The following DNAH3 variants were observed in gnomAD, a reference collection of about 807,000 sequenced individuals.
The protein encoded by DNAH3 is dynein axonemal heavy chain 3, also known as axonemal beta dynein heavy chain 3.
In DNAH3, 332 loss-of-function variants were observed where a neutral mutation model predicts 432.5. The observed-to-expected ratio is 0.77, with a 90% CI of 0.70 to 0.84. The LOEUF is 0.84. Among genes scored for constraint, DNAH3 ranks in the 40% least tolerant of loss-of-function variants. DNAH3 has a pLI of 0.00. For missense variants in DNAH3, 4,861 were observed against 5,114.0 expected, an observed-to-expected ratio of 0.95 and a Z score of 1.51; for synonymous variants, 1,956 against 1,900.2, an observed-to-expected ratio of 1.03 and a Z score of -0.76.
At position 21,141,292 on chromosome 16, in the gene DNAH3, T is replaced by C. The variant is rs989415178; in HGVS notation, c.521+8A>G. ...CTGCCTTCTCTGGTGCCCACAGTGATATCTTACCTAGTGGAATCCTCTTTG... is the reference window on the plus strand; with the variant it reads ...CTGCCTTCTCTGGTGCCCACAGTGACATCTTACCTAGTGGAATCCTCTTTG... On this transcript the variant is annotated splice_region_variant and intron_variant, in intron 4 of 61. Transcript: ENST00000261383. The C allele has an allele frequency of 2.9e-5, 45 of 1,577,748 alleles. No homozygotes were observed. The highest frequency in any genetic ancestry group is 2.3e-4 in the Admixed American group (13 of 55,886).
In DNAH3 at chr16:20,964,853, C is replaced by G. The variant is rs746811682; in HGVS notation, c.9031G>C (p.Ala3011Pro). 2.4e-5 allele frequency: 38 copies of G among 1,614,138 alleles called. No homozygotes were observed. The South Asian group carries it at 3.8e-4, about 16-fold the overall frequency. The change falls in exon 53 of 62, where the codon GCT becomes CCT. Residue 3011 changes from alanine to proline, a missense_variant. Physicochemically the swap from Ala to Pro is conservative, Grantham distance 27. Transcript: ENST00000261383. ...TGGACCCGATAATCCACTGTAAAAG[C>G]GCCCAGGTAAGCCACAGTTCCTGAG...
chr16:21,059,109 T>TGGG (rs2090249005), intron 26 of DNAH3, among the ~76,000 whole-genome samples: 1 of 152,232 alleles, frequency 6.6e-6, no homozygotes, highest in South Asian at 2.1e-4. Context: ...CAGTACCCAT[T>TGGG]TACTATACAT....
At chr16:20,951,214 C>T (rs770248623) in intron 56 of DNAH3, among the ~76,000 whole-genome samples, 1 of 152,098 alleles carries the variant, frequency 6.6e-6, no homozygotes, top group East Asian at 1.9e-4. Flanking sequence ...TACAAAACAG[C>T]TAGTGCCATT....
intron 36 of DNAH3, among the ~76,000 whole-genome samples, chr16:21,031,661 T>C (rs1481577131): frequency 6.6e-6 from 1 of 152,062 alleles, no homozygotes; most frequent in Non-Finnish European, 1.5e-5. Flanking sequence ...ATTATTGGGT[T>C]ATTATAGCCT....
At chr16:21,061,303 T>C (rs2090352067) in intron 25 of DNAH3, among the ~76,000 whole-genome samples, 1 of 143,422 alleles carries the variant, frequency 7.0e-6, no homozygotes, top group South Asian at 2.3e-4. Context: ...TGGTGTGATC[T>C]CGGCTCATTG....
chr16:20,951,217 G>A (rs908867215), intron 56 of DNAH3, among the ~76,000 whole-genome samples: 1 of 151,962 alleles, frequency 6.6e-6, no homozygotes, highest in African/African-American at 2.4e-5. Flanking sequence ...AAAACAGCTA[G>A]TGCCATTTCT....
At chr16:21,081,710 G>A (rs777703183) in exon 20 of DNAH3, 1 of 1,613,630 alleles carries the variant, frequency 6.2e-7, no homozygotes, top group African/African-American at 1.3e-5. Context: ...TTATCTCATA[G>A]CCAACAATCT....
chr16:21,104,512 G>A (rs1483697107), exon 16 of DNAH3: 9 of 1,613,910 alleles, frequency 5.6e-6, no homozygotes, highest in African/African-American at 1.3e-5. Context: ...TCTTGTGAAG[G>A]AGCAAGTTCC....
rs704554 is a variant in DNAH3, at chr16:21,070,847, C to A, written c.3085-21G>T. On this transcript the variant is annotated intron_variant, in intron 21 of 61. Coordinates refer to ENST00000261383, the Ensembl canonical transcript of DNAH3. The stretch of plus-strand genomic sequence containing the variant: ...GTATCCTGTAAATAAAGATGCCCCA[C>A]CCTGTCAAGATTGTGAAACCTCCCC... The A allele has an allele frequency of 5.6e-6, 8 of 1,418,696 alleles. No homozygotes were observed. The African/African-American group carries it at 8.5e-5, about 15-fold the overall frequency. 87.9% of individuals were successfully genotyped at this position (1,418,696 alleles called of 1,614,324 possible).
At chr16:21,007,077 T>C (rs75299271) in intron 41 of DNAH3, among the ~76,000 whole-genome samples, 1,960 of 152,322 alleles carry the variant, frequency 0.013, 43 homozygotes, top group African/African-American at 0.045. Context: ...CCAATACTTG[T>C]TGTTTTTCAT....
At position 21,058,008 on chromosome 16, in the gene DNAH3, G is replaced by C. The variant is rs2090195030; in HGVS notation, c.3924+78C>G. 5 of 895,260 alleles carry C rather than the reference G, an allele frequency of 5.6e-6. No homozygotes were observed. The South Asian group carries it at 6.8e-5, about 12-fold the overall frequency. 55.5% of individuals were successfully genotyped at this position (895,260 alleles called of 1,614,324 possible). A position where few individuals can be genotyped will look rare whatever the true frequency, so the allele number is the denominator to read the frequency against. ...GATTTTTGTTTAGACAACAAAACAT[G>C]GCTACTCTAATTATACGTCATTCAA... On this transcript the variant is annotated intron_variant, in intron 27 of 61. Coordinates refer to ENST00000261383, the Ensembl canonical transcript of DNAH3.
At chr16:21,027,351 A>C (rs2088622652) in intron 37 of DNAH3, among the ~76,000 whole-genome samples, 1 of 152,244 alleles carries the variant, frequency 6.6e-6, no homozygotes. Flanking sequence ...GATGACAGAC[A>C]ATAAGCAAAA....
Position 21,136,547 on chromosome 16 carries a change from C to A in DNAH3, c.697-34G>T. On this transcript the variant is annotated intron_variant, in intron 5 of 61. Transcript: ENST00000261383. ...AACAAACCACCAGCGAGAAAATGGTCATGATTGGATCATGGGTTCAACTGT... is the reference window on the plus strand; with the variant it reads ...AACAAACCACCAGCGAGAAAATGGTAATGATTGGATCATGGGTTCAACTGT... The A allele has an allele frequency of 1.9e-6, 3 of 1,603,052 alleles. No individual in the cohort carries two copies. In the South Asian group the frequency reaches 3.3e-5, roughly 18 times the overall value.
At chr16:21,110,233 C>T (rs2092039348) in intron 14 of DNAH3, among the ~76,000 whole-genome samples, 1 of 152,208 alleles carries the variant, frequency 6.6e-6, no homozygotes, top group Non-Finnish European at 1.5e-5. Context: ...GACCCCCACC[C>T]CTTTCAGCTC....
rs555983378 is a variant in DNAH3 at position 20,966,014 on chromosome 16, ATTTTTTTTTT to A, written c.8459-599_8459-590del. Among the ~76,000 whole-genome samples, 28 of 48,374 alleles carry A rather than the reference ATTTTTTTTTT, an allele frequency of 5.8e-4. 1 individual carries two copies. Among genetic ancestry groups the A allele is most frequent in the East Asian group, 5.0e-3 (11 of 2,186 alleles). 31.7% of individuals were successfully genotyped at this position (48,374 alleles called of 152,430 possible). A position where few individuals can be genotyped will look rare whatever the true frequency, so the allele number is the denominator to read the frequency against. ...AGGCCTGAGCCACCATGCCCAGCCA[ATTTTTTTTTT>A]TTTTTTTTTTTTTTTTTTTTTTTTT... On this transcript the variant is annotated intron_variant, in intron 52 of 61. Transcript: ENST00000261383.
intron 21 of DNAH3, among the ~76,000 whole-genome samples, chr16:21,075,042 C>T (rs1015209682): frequency 5.9e-5 from 9 of 152,170 alleles, no homozygotes; most frequent in African/African-American, 1.4e-4. Flanking sequence ...AATCAGAACC[C>T]GCATTTCAAC....
At chr16:21,089,959 C>T (rs557877014) in intron 18 of DNAH3, among the ~76,000 whole-genome samples, 2 of 151,984 alleles carry the variant, frequency 1.3e-5, no homozygotes, top group South Asian at 4.2e-4. Flanking sequence ...AAAGAAGATG[C>T]AAATTACCAA....
chr16:21,020,397 A>ATATATATATATTTTTTTTTTTTTTTTT (rs1555530020), intron 40 of DNAH3, among the ~76,000 whole-genome samples: 1 of 34,596 alleles, frequency 2.9e-5, no homozygotes, highest in Non-Finnish European at 4.6e-5. Context: ...ATATATATAT[A>ATATATATATATTTTTTTTTTTTTTTTT]TTTTTTTTTT....
intron 61 of DNAH3, 103 bp from the exon 62 acceptor site, chr16:20,933,610 A>ACTTTG: frequency 3.5e-6 from 3 of 858,934 alleles, no homozygotes; most frequent in Non-Finnish European, 5.3e-6. Flanking sequence ...ACCTGGTTGC[A>ACTTTG]ATATCTACCT....
Sources: allele counts gnomAD v4.1 joint callset (sites outside exome capture counted in the v4.1 genomes callset), GRCh38; gene constraint gnomAD v4.1.1; transcripts MANE v1.5; gene names NCBI Gene and HGNC (gene_info 2026-07-23, HGNC 2026-07-21).